The following CACNA1S variants were observed in gnomAD, a reference collection of about 807,000 sequenced individuals.
The protein encoded by CACNA1S is calcium voltage-gated channel subunit alpha1 S.
A neutral mutation model predicts 207.4 loss-of-function variants in CACNA1S; 126 were observed. The ratio of observed to expected loss-of-function variants is 0.61; its 90% CI spans 0.53 to 0.70. The LOEUF is 0.70. Ranked by LOEUF, CACNA1S falls within the 30% of genes least tolerant of loss-of-function variation. The pLI is 0.00. For synonymous variants in CACNA1S, 960 were observed against 932.7 expected (o/e 1.03, Z -0.53); for missense variants, 2,349 against 2,422.8 (o/e 0.97, Z 0.64).
Position 201,070,399 on chromosome 1 carries a change from C to T in CACNA1S, c.2233G>A (p.Asp745Asn). Residue 745 changes from aspartate to asparagine, a missense_variant, in exon 17 of 44, where the codon GAC (aspartate) becomes AAC (asparagine). By Grantham distance (23) the Asp-to-Asn change is conservative. Coordinates refer to ENST00000362061, the MANE Select transcript of CACNA1S (RefSeq NM_000069.3). ...GGGATCTCAGGCTCATCTTCCTCGT[C>T]ATCCCCTGTGGGGAGAGAGAGAGGA... Reference protein sequence around the residue: ...PYPSADFPGDDEEDEPEIPLS... With the variant: ...PYPSADFPGDNEEDEPEIPLS... 1 of 1,613,958 alleles carries T rather than the reference C, an allele frequency of 6.2e-7. No homozygotes were observed. The highest frequency in any genetic ancestry group is 8.5e-7 in the Non-Finnish European group (1 of 1,179,966).
At position 201,104,715 on chromosome 1, in the gene CACNA1S, G is replaced by A. The variant is rs112420768; in HGVS notation, c.258+5449C>T. On this transcript the variant is annotated intron_variant, in intron 2 of 43. Coordinates refer to ENST00000362061, the MANE Select transcript of CACNA1S (RefSeq NM_000069.3). ...ACTTTGACATAGGATTGCTTTGAGG[G>A]TGAAATGAGATAATGTAGCAAAAGC... 1.2e-3 allele frequency among the ~76,000 whole-genome samples: 185 copies of A among 152,320 alleles called. 1 individual carries two copies. The highest frequency in any genetic ancestry group is 4.2e-3 in the African/African-American group (176 of 41,566).
Position 201,109,773 on chromosome 1 carries a change from C to T in CACNA1S, c.258+391G>A, listed in dbSNP as rs115619735. ...GTGGACACAAGTTTCTTATGAATTA[C>T]ATTTGGGGAAGAGAAATTAGCATTC... On this transcript the variant is annotated intron_variant, in intron 2 of 43. Transcript: ENST00000362061. Among the ~76,000 whole-genome samples the T allele has an allele frequency of 9.8e-3, 1,491 of 152,354 alleles. 12 individuals carry two copies. The highest frequency in any genetic ancestry group is 0.016 in the Non-Finnish European group (1,071 of 68,034).
intron 23 of CACNA1S, 144 bp downstream of exon 23, chr1:201,062,318 A>C: frequency 2.0e-6 from 2 of 994,876 alleles, no homozygotes; most frequent in Middle Eastern, 6.2e-4. Context: ...GTCATCCACC[A>C]ACACACAGTC....
chr1:201,082,428 G>A (rs921756444), intron 10 of CACNA1S, among the ~76,000 whole-genome samples: 1 of 152,106 alleles, frequency 6.6e-6, no homozygotes, highest in Admixed American at 6.6e-5. Flanking sequence ...AAGTTCTTAC[G>A]GCTTCCTGAA....
rs1014582579 is a variant in CACNA1S at position 201,077,034 on chromosome 1, G to A, written c.1713C>T (p.Val571=). 1.9e-6 allele frequency: 3 copies of A among 1,614,136 alleles called. No individual in the cohort carries two copies. Among genetic ancestry groups the A allele is most frequent in the Non-Finnish European group, 2.5e-6 (3 of 1,180,056 alleles). ...GCTGCATGCCCAGGAGGGCGAAGAT[G>A]ACGATGAAGAGGAAGAGCAGCAGCA... ...SLLLLLFLFI[V]IFALLGMQLF... is the part of the protein sequence containing the mutation. The change falls in exon 12 of 44, where the codon GTC becomes GTT. Residue 571 remains valine, a synonymous_variant. Coordinates refer to ENST00000362061, the MANE Select transcript of CACNA1S (RefSeq NM_000069.3).
At chr1:201,055,389 G>A (rs1660802594) in intron 28 of CACNA1S, among the ~76,000 whole-genome samples, 1 of 152,148 alleles carries the variant, frequency 6.6e-6, no homozygotes, top group Admixed American at 6.5e-5. Flanking sequence ...TACCTTTGCT[G>A]GGTCTGCACT....
chr1:201,042,208 C>T (rs2102543999), intron 40 of CACNA1S, among the ~76,000 whole-genome samples: 1 of 152,342 alleles, frequency 6.6e-6, no homozygotes, highest in South Asian at 2.1e-4. Context: ...ACAATCAGCT[C>T]ACTGCAACCT....
chr1:201,085,170 G>A (rs1190440061), intron 8 of CACNA1S, 139 bp from the exon 9 acceptor site: 12 of 760,406 alleles, frequency 1.6e-5, no homozygotes, highest in East Asian at 7.6e-5. Flanking sequence ...GGATTGCTTC[G>A]TGCTTTCCAG....
chr1:201,081,029 G>A (rs774496655), intron 10 of CACNA1S, among the ~76,000 whole-genome samples: 1 of 152,136 alleles, frequency 6.6e-6, no homozygotes, highest in Non-Finnish European at 1.5e-5. Context: ...CTTTCTCCCA[G>A]GGCCTCTAGC....
Position 201,043,294 on chromosome 1 carries a change from G to A in CACNA1S, c.5035C>T (p.His1679Tyr). Residue 1679 changes from histidine (H) to tyrosine (Y), a missense_variant, in exon 40 of 44, where the codon CAT becomes TAT. His to Tyr is a moderately conservative substitution (Grantham distance 83). Coordinates refer to ENST00000362061, the MANE Select transcript of CACNA1S (RefSeq NM_000069.3). ...GGCCGCCACTACCTGGAAAACACAT[G>A]GCTGTTGCTATGGTTGCTGTTGCCA... The part of the protein sequence containing the change: ...AYGNSNHSNS[H>Y]VFSSVHYERE... 6.2e-7 allele frequency: 1 copy of A among 1,614,198 alleles called. No homozygotes were observed. Among genetic ancestry groups the A allele is most frequent in the Non-Finnish European group, 8.5e-7 (1 of 1,180,048 alleles).
intron 1 of CACNA1S, among the ~76,000 whole-genome samples, 183 bp from the exon 2 acceptor site, chr1:201,110,452 C>T (rs576207633): frequency 2.0e-4 from 30 of 152,308 alleles, no homozygotes; most frequent in Non-Finnish European, 4.0e-4. Context: ...GACCAGGTTC[C>T]TGCCTTGACC....
At chr1:201,082,414 T>C (rs987456785) in intron 10 of CACNA1S, among the ~76,000 whole-genome samples, 2 of 152,200 alleles carry the variant, frequency 1.3e-5, no homozygotes, top group African/African-American at 2.4e-5. Flanking sequence ...CTTAGTCACA[T>C]GCAAAGTTCT....
At chr1:201,043,560 G>A in intron 39 of CACNA1S, 29 bp from the exon 40 acceptor site, 10 of 1,613,118 alleles carry the variant, frequency 6.2e-6, no homozygotes, top group African/African-American at 1.3e-5. Context: ...GCAGTGACTG[G>A]GGGTGAGGGC....
In CACNA1S at chr1:201,072,739, TCTCCAGCATC is replaced by T; in HGVS notation, c.2227+6_2227+15del. 1.2e-6 allele frequency: 2 copies of T among 1,606,560 alleles called. No homozygotes were observed. Among genetic ancestry groups the T allele is most frequent in the Non-Finnish European group, 1.7e-6 (2 of 1,173,238 alleles). On this transcript the variant is annotated splice_donor_region_variant and intron_variant, in intron 16 of 43. Transcript: ENST00000362061. ...ACCCCAGCACCCTGCTCCAGTCCAG[TCTCCAGCATC>T]CTCACCTGGGAAGTCGGCTGAGGGG...
chr1:201,098,827 C>A (rs61353098), intron 2 of CACNA1S, among the ~76,000 whole-genome samples: 1 of 152,000 alleles, frequency 6.6e-6, no homozygotes, highest in African/African-American at 2.4e-5. Flanking sequence ...ACCTCACCCC[C>A]CAACAAGGGC....
intron 11 of CACNA1S, among the ~76,000 whole-genome samples, 176 bp downstream of exon 11, chr1:201,077,703 G>A (rs1661678605): frequency 6.6e-6 from 1 of 152,240 alleles, no homozygotes. Flanking sequence ...TCAAAGTGGG[G>A]AAGTGATTCT....
chr1:201,104,957 C>T (rs1662822210), intron 2 of CACNA1S, among the ~76,000 whole-genome samples: 1 of 152,236 alleles, frequency 6.6e-6, no homozygotes, highest in Non-Finnish European at 1.5e-5. Flanking sequence ...AAGTACCTGC[C>T]TCATGGGCAT....
rs886045797 is a variant in CACNA1S at position 201,051,127 on chromosome 1, C to T, written c.3970G>A (p.Ala1324Thr). ...CAGGCCAGTAGGATCTCCTGCCAGG[C>T]CTCACCTGTTGCACACCTAGAGGAC... is the stretch of plus-strand genomic sequence containing the variant. ...LLLFRCATGE[A>T]WQEILLACSY... is the part of the protein sequence containing the mutation. The change falls in exon 33 of 44, where the codon GCC becomes ACC. Residue 1324 changes from alanine (A) to threonine (T), a missense_variant. Coordinates refer to ENST00000362061, the MANE Select transcript of CACNA1S (RefSeq NM_000069.3). 6.2e-7 allele frequency: 1 copy of T among 1,614,244 alleles called. No homozygotes were observed. The highest frequency in any genetic ancestry group is 8.5e-7 in the Non-Finnish European group (1 of 1,180,040).
At chr1:201,049,172 G>A (rs1660571636) in intron 34 of CACNA1S, 73 bp from the exon 35 acceptor site, 1 of 1,055,430 alleles carries the variant, frequency 9.5e-7, no homozygotes, top group Non-Finnish European at 1.4e-6. Flanking sequence ...TCAGAGGATG[G>A]GCAATGGGAA....
Sources: allele counts gnomAD v4.1 joint callset (sites outside exome capture counted in the v4.1 genomes callset), GRCh38; gene constraint gnomAD v4.1.1; transcripts MANE v1.5; gene names NCBI Gene and HGNC (gene_info 2026-07-23, HGNC 2026-07-21).